MTUS1: variants seen among roughly 807,000 people sequenced by gnomAD.
MTUS1 encodes the protein microtubule-associated tumor suppressor 1.
MTUS1 carries 109 observed loss-of-function variants against 120.8 expected under a neutral mutation model. That is an observed-to-expected ratio of 0.90 (90% CI 0.77 to 1.06). The LOEUF is 1.06. Ranked by LOEUF, MTUS1 falls within the 50% of genes least tolerant of loss-of-function variation. The pLI, the probability that MTUS1 is intolerant of heterozygous loss-of-function variation, is 0.00. For synonymous variants in MTUS1, 737 were observed against 550.5 expected (o/e 1.34, Z -4.74); for missense variants, 2,210 against 1,486.3 (o/e 1.49, Z -8.01).
chr8:17,661,077 C>A (rs1489700118), intron 8 of MTUS1, among the ~76,000 whole-genome samples: 1 of 152,160 alleles, frequency 6.6e-6, no homozygotes, highest in Non-Finnish European at 1.5e-5. Context: ...TTCTATTACA[C>A]TAGTAACCAC....
At chr8:17,752,306 T>C (rs1185973272) in intron 2 of MTUS1, among the ~76,000 whole-genome samples, 3 of 152,236 alleles carry the variant, frequency 2.0e-5, no homozygotes, top group Non-Finnish European at 4.4e-5. Flanking sequence ...ATAAACATCG[T>C]GTTTCTATGT....
chr8:17,659,975 G>A (rs558621951), intron 8 of MTUS1, among the ~76,000 whole-genome samples: 16 of 152,142 alleles, frequency 1.1e-4, no homozygotes, highest in African/African-American at 3.1e-4. Context: ...GACTCAAATA[G>A]TACTTGTCCT....
At position 17,723,699 on chromosome 8, in the gene MTUS1, T is replaced by C. The variant is rs550434034; in HGVS notation, c.2422A>G (p.Ser808Gly). 1 of 1,610,932 alleles carries C rather than the reference T, an allele frequency of 6.2e-7. No homozygotes were observed. Among genetic ancestry groups the C allele is most frequent in the Non-Finnish European group, 8.5e-7 (1 of 1,177,780 alleles). The change falls in exon 4 of 15, where the codon AGT becomes GGT. Residue 808 changes from serine (S) to glycine (G), a missense_variant. Physicochemically the swap from Ser to Gly is moderately conservative, Grantham distance 56. Transcript: ENST00000693296. The stretch of plus-strand genomic sequence containing the variant: ...TTGTTGCTGTAAGTGCTCAGCTCAC[T>C]GTGGGTGCTGGCTATTGAGGGGGTG... ...GSTPSIASTH[S>G]ELSTYSNNSG...
At chr8:17,668,658 T>A (rs1811405774) in intron 8 of MTUS1, among the ~76,000 whole-genome samples, 1 of 152,222 alleles carries the variant, frequency 6.6e-6, no homozygotes, top group South Asian at 2.1e-4. Flanking sequence ...TTTCATTTTT[T>A]AATTATTCTG....
At chr8:17,758,482 T>G (rs978393696) in intron 1 of MTUS1, among the ~76,000 whole-genome samples, 5 of 152,266 alleles carry the variant, frequency 3.3e-5, no homozygotes, top group African/African-American at 1.2e-4. Context: ...CTGAATAGTT[T>G]ATTGGCAAGA....
intron 7 of MTUS1, among the ~76,000 whole-genome samples, chr8:17,683,671 G>C (rs1265119903): frequency 6.6e-6 from 1 of 152,052 alleles, no homozygotes; most frequent in Non-Finnish European, 1.5e-5. Context: ...AAGAGCTCAA[G>C]TTGTATTCTT....
intron 1 of MTUS1, among the ~76,000 whole-genome samples, chr8:17,779,310 G>A (rs557630392): frequency 6.6e-6 from 1 of 152,318 alleles, no homozygotes; most frequent in Admixed American, 6.5e-5. Context: ...ACAGCCTAAA[G>A]ACAGTGACCA....
intron 6 of MTUS1, among the ~76,000 whole-genome samples, chr8:17,712,630 G>T (rs996170963): frequency 6.6e-6 from 1 of 152,052 alleles, no homozygotes; most frequent in African/African-American, 2.4e-5. Flanking sequence ...TGAGCCACTG[G>T]GCCCAGCCTA....
intron 1 of MTUS1, among the ~76,000 whole-genome samples, chr8:17,781,156 G>A (rs1453630782): frequency 6.6e-6 from 1 of 152,144 alleles, no homozygotes; most frequent in Non-Finnish European, 1.5e-5. Context: ...CAAGTGATCT[G>A]TTTCCACCTA....
At chr8:17,670,947 C>T (rs957349375) in intron 8 of MTUS1, among the ~76,000 whole-genome samples, 1 of 152,018 alleles carries the variant, frequency 6.6e-6, no homozygotes, top group African/African-American at 2.4e-5. Flanking sequence ...TCAGACAAAA[C>T]CTTTGATAAT....
intron 6 of MTUS1, among the ~76,000 whole-genome samples, chr8:17,686,388 C>G (rs927687229): frequency 1.3e-5 from 2 of 152,216 alleles, no homozygotes; most frequent in African/African-American, 2.4e-5. Context: ...CTCATTTTAA[C>G]AAACCTACAT....
At position 17,781,936 on chromosome 8, in the gene MTUS1, C is replaced by T. The variant is rs141671075; in HGVS notation, c.-155+19125G>A. Among the ~76,000 whole-genome samples the T allele has an allele frequency of 1.1e-4, 16 of 152,304 alleles. No individual in the cohort carries two copies. In the East Asian group the frequency reaches 3.1e-3, roughly 29 times the overall value. ...GGTCCCTGTGGGATTAGCAACACTC[C>T]ACTGCTAACACAGCAAGTCTCAGGT... On this transcript the variant is annotated intron_variant, in intron 1 of 14. Coordinates refer to ENST00000693296, the MANE Select transcript of MTUS1 (RefSeq NM_001363059.2).
At chr8:17,742,297 T>TTTTTTTTTTTTG (rs1563302488) in intron 3 of MTUS1, among the ~76,000 whole-genome samples, 4 of 142,240 alleles carry the variant, frequency 2.8e-5, no homozygotes, top group African/African-American at 1.1e-4. Flanking sequence ...TGTTGTTTTT[T>TTTTTTTTTTTTG]TTTTTTTTTT....
intron 1 of MTUS1, among the ~76,000 whole-genome samples, chr8:17,787,878 C>A (rs961313875): frequency 6.6e-6 from 1 of 152,200 alleles, no homozygotes; most frequent in Non-Finnish European, 1.5e-5. Context: ...CCCAGCACTT[C>A]GGGAGGCCGA....
chr8:17,765,031 C>G (rs1273051837), intron 1 of MTUS1, among the ~76,000 whole-genome samples: 1 of 152,158 alleles, frequency 6.6e-6, no homozygotes, highest in African/African-American at 2.4e-5. Flanking sequence ...TGTAAGTAGA[C>G]AGTCCCATCT....
chr8:17,650,095 A>G, intron 12 of MTUS1, 133 bp from the exon 13 acceptor site: 1 of 690,426 alleles, frequency 1.4e-6, no homozygotes, highest in Non-Finnish European at 2.6e-6. Context: ...GCAATTTCAA[A>G]GAAAGAGGTG....
intron 11 of MTUS1, 69 bp from the exon 12 acceptor site, chr8:17,653,350 A>G (rs977810101): frequency 1.3e-6 from 2 of 1,512,446 alleles, no homozygotes; most frequent in Admixed American, 2.1e-5. Context: ...ACGTACACAG[A>G]AACATTAAAA....
chr8:17,786,038 G>C (rs927985719), intron 1 of MTUS1, among the ~76,000 whole-genome samples: 1 of 152,158 alleles, frequency 6.6e-6, no homozygotes, highest in Non-Finnish European at 1.5e-5. Context: ...TACTCAGGAG[G>C]CTGACACCAG....
intron 6 of MTUS1, among the ~76,000 whole-genome samples, chr8:17,695,768 A>G (rs1431357290): frequency 6.6e-6 from 1 of 152,324 alleles, no homozygotes; most frequent in African/African-American, 2.4e-5. Flanking sequence ...TTAAAAAGGT[A>G]TAGAATATAT....
Sources: allele counts gnomAD v4.1 joint callset (sites outside exome capture counted in the v4.1 genomes callset), GRCh38; gene constraint gnomAD v4.1.1; transcripts MANE v1.5; gene names NCBI Gene and HGNC (gene_info 2026-07-23, HGNC 2026-07-21).